The following NAA60 variants were observed in gnomAD, a reference collection of about 807,000 sequenced individuals.
NAA60 encodes the protein N-alpha-acetyltransferase 60, NatF catalytic subunit, also known as N-alpha-acetyltransferase 60.
Under a neutral mutation model 26.1 loss-of-function variants are expected in NAA60, and 8 were observed. That is an observed-to-expected ratio of 0.31 (90% CI 0.18 to 0.55). The LOEUF (loss-of-function observed/expected upper bound fraction) is 0.55, where lower values mean the gene tolerates loss of function less well. NAA60 is among the 20% of genes least tolerant of loss of function. The pLI is 0.93. For missense variants in NAA60, 290 were observed against 311.3 expected (o/e 0.93, Z 0.51); for synonymous variants, 131 against 122.5 (o/e 1.07, Z -0.46).
chr16:3,479,631 A>G, intron 4 of NAA60, 31 bp downstream of exon 4: 1 of 1,611,184 alleles, frequency 6.2e-7, no homozygotes, highest in Non-Finnish European at 8.5e-7. Context: ...AGGACTTGGC[A>G]GTCACTGTCA....
At chr16:3,460,612 G>A (rs1188835191) in intron 2 of NAA60, among the ~76,000 whole-genome samples, 3 of 152,104 alleles carry the variant, frequency 2.0e-5, no homozygotes, top group African/African-American at 4.8e-5. Context: ...GTGATCCGCC[G>A]CCTCAGCCTC....
intron 2 of NAA60, among the ~76,000 whole-genome samples, chr16:3,474,719 C>T (rs2036369430): frequency 6.6e-6 from 1 of 152,218 alleles, no homozygotes; most frequent in Admixed American, 6.5e-5. Flanking sequence ...GCACCTGCCC[C>T]CAGCAGCTTT....
intron 2 of NAA60, among the ~76,000 whole-genome samples, chr16:3,470,615 G>A (rs866755386): frequency 1.2e-4 from 18 of 152,194 alleles, no homozygotes; most frequent in East Asian, 5.8e-4. Flanking sequence ...CTGGGGAGAC[G>A]GGATGTAGAA....
At chr16:3,455,969 T>A (rs1192157745) in intron 2 of NAA60, among the ~76,000 whole-genome samples, 2 of 151,958 alleles carry the variant, frequency 1.3e-5, no homozygotes, top group Non-Finnish European at 2.9e-5. Flanking sequence ...CCTCCCAAAG[T>A]GCTGGGATTA....
chr16:3,445,030 C>A (rs913894704), intron 1 of NAA60, among the ~76,000 whole-genome samples: 1 of 152,174 alleles, frequency 6.6e-6, no homozygotes, highest in African/African-American at 2.4e-5. Flanking sequence ...TGACAGCTAA[C>A]TAAGAGCTAG....
At chr16:3,473,002 C>T (rs250633) in intron 2 of NAA60, among the ~76,000 whole-genome samples, 58,134 of 149,574 alleles carry the variant, frequency 0.39, 11,708 homozygotes, top group African/African-American at 0.53. Flanking sequence ...TTTGTGTGTT[C>T]TTTGTCATCT....
At chr16:3,456,075 T>G (rs1309211931) in intron 2 of NAA60, among the ~76,000 whole-genome samples, 2 of 152,182 alleles carry the variant, frequency 1.3e-5, no homozygotes, top group Non-Finnish European at 2.9e-5. Context: ...CGGTGCTGTA[T>G]TTAGAACCCT....
At chr16:3,449,809 T>C (rs2034702138) in intron 2 of NAA60, among the ~76,000 whole-genome samples, 1 of 152,132 alleles carries the variant, frequency 6.6e-6, no homozygotes, top group African/African-American at 2.4e-5. Context: ...TGATAGTGAA[T>C]AAGTCTCACG....
Position 3,485,933 on chromosome 16 carries a change from TC to T in NAA60, c.*675del, listed in dbSNP as rs921542091. On this transcript the variant is annotated 3_prime_UTR_variant, in exon 8 of 8. Coordinates refer to ENST00000407558, the MANE Select transcript of NAA60 (RefSeq NM_001083601.3). ...GGACGGTTCCTACTCCTCAGCACCT[TC>T]CGTGCAGTTACCAGTGCCCTGGGAG... The T allele has an allele frequency of 3.1e-6, 1 of 323,938 alleles. No homozygotes were observed. Among genetic ancestry groups the T allele is most frequent in the African/African-American group, 2.2e-5 (1 of 45,890 alleles). 20.1% of individuals were successfully genotyped at this position (323,938 alleles called of 1,614,324 possible).
chr16:3,447,089 C>T (rs915249866), intron 1 of NAA60, among the ~76,000 whole-genome samples: 2 of 152,108 alleles, frequency 1.3e-5, no homozygotes, highest in East Asian at 3.9e-4. Flanking sequence ...GATCTGCCCG[C>T]CTTGGCCTCC....
chr16:3,484,861 G>C lies in NAA60; in HGVS notation c.*6G>C, dbSNP rs1312416528. On this transcript the variant is annotated 3_prime_UTR_variant, in exon 7 of 8. Coordinates refer to ENST00000407558, the MANE Select transcript of NAA60 (RefSeq NM_001083601.3). Reference sequence around the variant, plus strand: ...AGTACAGCCGGACCATGTGATGTCGGCTGGGCAGCCGCCACCAGGCCCCAC... The same window carrying C: ...AGTACAGCCGGACCATGTGATGTCGCCTGGGCAGCCGCCACCAGGCCCCAC... The C allele has an allele frequency of 1.9e-6, 3 of 1,555,104 alleles. No homozygotes were observed. Among genetic ancestry groups the C allele is most frequent in the Admixed American group, 1.9e-5 (1 of 51,560 alleles).
At chr16:3,471,717 G>C (rs765425660) in intron 2 of NAA60, among the ~76,000 whole-genome samples, 1 of 152,050 alleles carries the variant, frequency 6.6e-6, no homozygotes. Context: ...GAGCTGAGCC[G>C]GTGGTGTTTT....
intron 3 of NAA60, 96 bp downstream of exon 3, chr16:3,476,433 G>A (rs915226250): frequency 5.0e-5 from 50 of 1,004,362 alleles, no homozygotes; most frequent in Middle Eastern, 4.3e-4. Flanking sequence ...CCTTAGGACC[G>A]TGCTGCAAAG....
At chr16:3,459,848 A>C (rs2035262177) in intron 2 of NAA60, among the ~76,000 whole-genome samples, 1 of 152,196 alleles carries the variant, frequency 6.6e-6, no homozygotes, top group Non-Finnish European at 1.5e-5. Flanking sequence ...CCAGGCCGGG[A>C]CAGTATGGAG....
In NAA60 at chr16:3,473,600, A is replaced by G. The variant is rs529591619; in HGVS notation, c.-6-2622A>G. ...CCAAACCATATCATAGTGTTTCACC[A>G]TGTTGGTCAGGCTGGTCTCAAACTC... On this transcript the variant is annotated intron_variant, in intron 2 of 7. Transcript: ENST00000407558. 1.3e-3 allele frequency among the ~76,000 whole-genome samples: 197 copies of G among 152,298 alleles called. 2 individuals are homozygous for G. The highest frequency in any genetic ancestry group is 4.4e-3 in the African/African-American group (183 of 41,558).
rs139600870 is a variant in NAA60, at chr16:3,472,886, G to T, written c.-6-3336G>T. Among the ~76,000 whole-genome samples the T allele has an allele frequency of 4.4e-3, 665 of 152,268 alleles. 2 individuals carry two copies. The highest frequency in any genetic ancestry group is 6.3e-3 in the Non-Finnish European group (432 of 68,032). On this transcript the variant is annotated intron_variant, in intron 2 of 7. Transcript: ENST00000407558. ...TCATTTTGCCCCTGCATATTCCACT[G>T]TGCATCTGTTAATATAAAATATGGA...
chr16:3,466,932 G>T (rs2035801421), intron 2 of NAA60, among the ~76,000 whole-genome samples: 2 of 152,174 alleles, frequency 1.3e-5, no homozygotes, highest in South Asian at 4.1e-4. Context: ...CAGGAGTAAA[G>T]CAGAAAGGTG....
chr16:3,444,038 T>C (rs2034449041), intron 1 of NAA60: 17 of 1,066,168 alleles, frequency 1.6e-5, no homozygotes, highest in East Asian at 3.1e-5. Context: ...GTTGCTGGAC[T>C]CTGACTCAAA....
At chr16:3,444,784 C>G (rs1402442859) in intron 1 of NAA60, among the ~76,000 whole-genome samples, 1 of 152,118 alleles carries the variant, frequency 6.6e-6, no homozygotes, top group Non-Finnish European at 1.5e-5. Context: ...ACAATAGAAT[C>G]CAGGTAAAAT....
Sources: gnomAD v4.1 joint callset for allele counts (sites outside exome capture counted in the v4.1 genomes callset) on GRCh38, gnomAD v4.1.1 for gene constraint, MANE v1.5 for transcripts, NCBI Gene and HGNC (gene_info 2026-07-23, HGNC 2026-07-21) for gene names.